ITSN1: variants seen among roughly 807,000 people sequenced by gnomAD.
The protein encoded by ITSN1 is intersectin-1.
ITSN1 carries 58 observed loss-of-function variants against 239.8 expected under a neutral mutation model. That is an observed-to-expected ratio of 0.24 (90% CI 0.20 to 0.30). The LOEUF is 0.30. Among genes scored for constraint, ITSN1 ranks in the 10% least tolerant of loss-of-function variants. The probability of loss-of-function intolerance (pLI) is 1.00; values close to 1 mark genes in which losing one functional copy is unlikely to be tolerated. For synonymous variants in ITSN1, 780 were observed against 770.8 expected (o/e 1.01, Z -0.20); for missense variants, 1,558 against 2,103.3 (o/e 0.74, Z 5.07).
chr21:33,697,234 A>ATTTTTTT (rs11419453), intron 1 of ITSN1, among the ~76,000 whole-genome samples: 10 of 121,678 alleles, frequency 8.2e-5, no homozygotes, highest in Non-Finnish European at 9.8e-5. Flanking sequence ...CACCTGGCTA[A>ATTTTTTT]TTTTTTTTTT....
At chr21:33,659,801 C>T (rs1288030973) in intron 1 of ITSN1, among the ~76,000 whole-genome samples, 1 of 146,994 alleles carries the variant, frequency 6.8e-6, no homozygotes, top group Non-Finnish European at 1.5e-5. Flanking sequence ...CTAACTGCAG[C>T]CTCAACCTCC....
At chr21:33,832,835 C>T (rs1457356552) in intron 27 of ITSN1, among the ~76,000 whole-genome samples, 1 of 152,132 alleles carries the variant, frequency 6.6e-6, no homozygotes, top group Non-Finnish European at 1.5e-5. Context: ...GGTGGGAGGG[C>T]AGAGGTAATG....
chr21:33,750,679 C>T (rs2067493066), intron 6 of ITSN1, among the ~76,000 whole-genome samples: 1 of 152,112 alleles, frequency 6.6e-6, no homozygotes, highest in South Asian at 2.1e-4. Flanking sequence ...TTTCTTTAGC[C>T]ACTATGAATT....
rs532352072 is a variant in ITSN1 at position 33,773,981 on chromosome 21, C to T, written c.1306-748C>T. On this transcript the variant is annotated intron_variant, in intron 12 of 39. Transcript: ENST00000381318. Reference sequence around the variant, plus strand: ...AAGCGTGAGCCACTGCGCCCGGCCCCGTAACTCCTTTTTGTTCAGACAGAC... The same window carrying T: ...AAGCGTGAGCCACTGCGCCCGGCCCTGTAACTCCTTTTTGTTCAGACAGAC... 1.2e-4 allele frequency among the ~76,000 whole-genome samples: 19 copies of T among 152,232 alleles called. No individual in the cohort carries two copies. In the East Asian group the frequency reaches 2.9e-3, roughly 23 times the overall value.
rs2073094623 is a variant in ITSN1, at chr21:33,813,932, G to A, written c.2587G>A (p.Glu863Lys). The change falls in exon 22 of 40, where the codon GAG becomes AAG. Residue 863 changes from glutamate (E) to lysine (K), a missense_variant. By Grantham distance (56) the Glu-to-Lys change is moderately conservative (BLOSUM62 1). Coordinates refer to ENST00000381318, the MANE Select transcript of ITSN1 (RefSeq NM_003024.3). ...CTCCAGGTGGCCCACCAGCACGAAT[G>A]AGAAACCAGAAACGGATAACTGGGA... is the stretch of plus-strand genomic sequence containing the variant. ...FSSTWPTSTN[E>K]KPETDNWDAW... 1.2e-6 allele frequency: 2 copies of A among 1,613,706 alleles called. No homozygotes were observed. The highest frequency in any genetic ancestry group is 2.2e-5 in the East Asian group (1 of 44,838).
intron 21 of ITSN1, 47 bp from the exon 22 acceptor site, chr21:33,813,866 A>G (rs2073089182): frequency 2.6e-6 from 4 of 1,533,272 alleles, no homozygotes; most frequent in Non-Finnish European, 3.5e-6. Context: ...AAAAGCTGGT[A>G]TATTAGGGAG....
intron 4 of ITSN1, among the ~76,000 whole-genome samples, chr21:33,730,480 C>A (rs548271663): frequency 1.9e-4 from 27 of 139,982 alleles, no homozygotes; most frequent in Non-Finnish European, 3.9e-4. Context: ...CGGCTCACTG[C>A]AACCTCCATC....
At chr21:33,701,717 C>T (rs2092018821) in intron 1 of ITSN1, among the ~76,000 whole-genome samples, 2 of 151,962 alleles carry the variant, frequency 1.3e-5, no homozygotes, top group South Asian at 2.1e-4. Context: ...ATCACTTGAA[C>T]CCAGGAGGCG....
intron 14 of ITSN1, among the ~76,000 whole-genome samples, chr21:33,779,838 T>G (rs1222860722): frequency 2.0e-5 from 3 of 152,134 alleles, no homozygotes; most frequent in African/African-American, 7.2e-5. Flanking sequence ...ATATTTTTCT[T>G]TTCTTTTTTT....
intron 29 of ITSN1, among the ~76,000 whole-genome samples, chr21:33,841,107 C>A (rs571104821): frequency 6.6e-6 from 1 of 152,136 alleles, no homozygotes. Context: ...GTAACTCGGC[C>A]CTATGTTAAG....
intron 1 of ITSN1, among the ~76,000 whole-genome samples, chr21:33,709,338 GT>G (rs2092345025): frequency 1.3e-5 from 2 of 152,024 alleles, no homozygotes; most frequent in Admixed American, 1.3e-4. Context: ...CCTTGTATAT[GT>G]TTTTTTGTGT....
At chr21:33,767,939 G>C in intron 11 of ITSN1, 111 bp downstream of exon 11, 1 of 598,488 alleles carries the variant, frequency 1.7e-6, no homozygotes, top group South Asian at 2.2e-5. Context: ...TGACATTTTT[G>C]CCTTGTAACT....
At chr21:33,756,439 G>A (rs1349438415) in intron 8 of ITSN1, among the ~76,000 whole-genome samples, 3 of 152,130 alleles carry the variant, frequency 2.0e-5, no homozygotes, top group African/African-American at 4.8e-5. Context: ...TAGGTTTCCT[G>A]TGTGGTGGAG....
chr21:33,775,222 C>G, intron 14 of ITSN1, 114 bp downstream of exon 14: 1 of 1,101,284 alleles, frequency 9.1e-7, no homozygotes, highest in East Asian at 2.6e-5. Context: ...GTACTAGGCA[C>G]TGGGAAGCAA....
At chr21:33,672,848 A>T (rs1240223797) in intron 1 of ITSN1, among the ~76,000 whole-genome samples, 1 of 152,010 alleles carries the variant, frequency 6.6e-6, no homozygotes, top group Non-Finnish European at 1.5e-5. Context: ...AGTAGCTGGG[A>T]CTACAGGTGC....
chr21:33,651,921 G>A (rs1397924402), intron 1 of ITSN1, among the ~76,000 whole-genome samples: 1 of 152,200 alleles, frequency 6.6e-6, no homozygotes, highest in Non-Finnish European at 1.5e-5. Flanking sequence ...GATCTTGGTA[G>A]ATGAAGTGAT....
At chr21:33,850,349 C>T (rs1192526881) in intron 29 of ITSN1, among the ~76,000 whole-genome samples, 1 of 152,218 alleles carries the variant, frequency 6.6e-6, no homozygotes, top group Non-Finnish European at 1.5e-5. Flanking sequence ...CTGAGCTCTG[C>T]TGGACCCACG....
At chr21:33,872,420 A>AATT (rs1201682727) in intron 33 of ITSN1, among the ~76,000 whole-genome samples, 2 of 152,388 alleles carry the variant, frequency 1.3e-5, no homozygotes, top group East Asian at 3.9e-4. Context: ...TCAAAATGAT[A>AATT]ATATGTATGA....
chr21:33,846,636 G>A (rs1202893749), intron 29 of ITSN1, among the ~76,000 whole-genome samples: 1 of 152,210 alleles, frequency 6.6e-6, no homozygotes, highest in Non-Finnish European at 1.5e-5. Flanking sequence ...AGTTGCTCAG[G>A]AAGTGCTGTG....
Sources: allele counts gnomAD v4.1 joint callset (sites outside exome capture counted in the v4.1 genomes callset), GRCh38; gene constraint gnomAD v4.1.1; transcripts MANE v1.5; gene names NCBI Gene and HGNC (gene_info 2026-07-23, HGNC 2026-07-21).